ITGAL: variants seen among roughly 807,000 people sequenced by gnomAD.
The protein encoded by ITGAL is integrin subunit alpha L, also known as integrin alpha-L.
A neutral mutation model predicts 138.4 loss-of-function variants in ITGAL; 68 were observed. The observed-to-expected ratio is 0.49, with a 90% CI of 0.40 to 0.60. ITGAL has a LOEUF of 0.60. Ranked by LOEUF, ITGAL falls within the 20% of genes least tolerant of loss-of-function variation. ITGAL has a pLI of 0.00. For missense variants in ITGAL, 1,256 were observed against 1,478.6 expected (o/e 0.85, Z 2.47); for synonymous variants, 561 against 584.3 (o/e 0.96, Z 0.57).
chr16:30,476,918 G>A (rs1475579273), intron 4 of ITGAL, among the ~76,000 whole-genome samples: 3 of 152,176 alleles, frequency 2.0e-5, no homozygotes, highest in Admixed American at 2.0e-4. Context: ...ACAGGCATGA[G>A]CTACCACACC....
intron 1 of ITGAL, 28 bp from the exon 2 acceptor site, chr16:30,474,168 C>G (rs896378914): frequency 6.5e-7 from 1 of 1,536,026 alleles, no homozygotes; most frequent in South Asian, 1.2e-5. Context: ...GTCCCTCGGT[C>G]GCAGCTGACG....
chr16:30,500,722 A>T (rs535660181), intron 17 of ITGAL, among the ~76,000 whole-genome samples: 50 of 152,074 alleles, frequency 3.3e-4, no homozygotes, highest in Admixed American at 1.3e-3. Context: ...GATAATTTTT[A>T]AAAATGTTTT....
At position 30,489,137 on chromosome 16, in the gene ITGAL, C is replaced by T. The variant is rs770241935; in HGVS notation, c.1062C>T (p.Ile354=). The T allele has an allele frequency of 6.2e-7, 1 of 1,614,092 alleles. No homozygotes were observed. Among genetic ancestry groups the T allele is most frequent in the East Asian group, 2.2e-5 (1 of 44,880 alleles). ...ACATGGAGCTGTCCTCCAGCGGCAT[C>T]AGTGCTGACCTCAGCAGGGTGCGTG... is the stretch of plus-strand genomic sequence containing the variant. The part of the protein sequence containing the change: ...SFNMELSSSG[I]SADLSRGHAV... Residue 354 remains isoleucine (I), a synonymous_variant, in exon 10 of 31, where the codon ATC becomes ATT. Coordinates refer to ENST00000356798, the MANE Select transcript of ITGAL (RefSeq NM_002209.3).
chr16:30,506,930 G>A (rs940362656), intron 21 of ITGAL, 74 bp downstream of exon 21: 4 of 1,550,862 alleles, frequency 2.6e-6, no homozygotes, highest in African/African-American at 1.4e-5. Context: ...GCCCCAGGCA[G>A]CCAGGACAGC....
At chr16:30,482,742 C>T (rs1567465575) in intron 7 of ITGAL, among the ~76,000 whole-genome samples, 2 of 152,196 alleles carry the variant, frequency 1.3e-5, no homozygotes, top group African/African-American at 2.4e-5. Context: ...ATGGGTAAGA[C>T]GGTTCACACC....
In ITGAL at chr16:30,475,474, T is replaced by C. The variant is rs756302842; in HGVS notation, c.260-39T>C. On this transcript the variant is annotated intron_variant, in intron 3 of 30. Coordinates refer to ENST00000356798, the MANE Select transcript of ITGAL (RefSeq NM_002209.3). ...GAGGCTGGCCCCAGCCCACCTAGAC[T>C]GCCTGAGCTCCTCCAGACCAACCTT... The C allele has an allele frequency of 9.4e-6, 15 of 1,603,918 alleles. No homozygotes were observed. In the African/African-American group the frequency reaches 1.9e-4, roughly 20 times the overall value.
At chr16:30,493,025 A>C (rs2050745865) in intron 11 of ITGAL, among the ~76,000 whole-genome samples, 1 of 151,800 alleles carries the variant, frequency 6.6e-6, no homozygotes, top group Non-Finnish European at 1.5e-5. Flanking sequence ...ACCTGGGATC[A>C]CAGGTGTGCA....
intron 17 of ITGAL, among the ~76,000 whole-genome samples, chr16:30,501,666 A>G (rs1314929088): frequency 1.2e-5 from 1 of 81,774 alleles, no homozygotes; most frequent in Non-Finnish European, 2.3e-5. Context: ...CATATCATGC[A>G]TCCCAGAAAA....
chr16:30,513,711 T>C, intron 24 of ITGAL, 60 bp from the exon 25 acceptor site: 2 of 1,344,590 alleles, frequency 1.5e-6, no homozygotes, highest in East Asian at 2.3e-5. Context: ...GCTCAGAAGC[T>C]TCCTGGAGCC....
rs145564460 is a variant in ITGAL, at chr16:30,483,746, G to A, written c.723-81G>A. ...GGGCTTTTGCGTAACCAGCATGGAG[G>A]TGACTTGATGAGCAGGTGGGGAAAG... On this transcript the variant is annotated intron_variant, in intron 7 of 30. Coordinates refer to ENST00000356798, the MANE Select transcript of ITGAL (RefSeq NM_002209.3). 5.4e-5 allele frequency: 79 copies of A among 1,452,582 alleles called. No homozygotes were observed. The Middle Eastern group carries it at 7.5e-4, about 14-fold the overall frequency. 90.0% of individuals were successfully genotyped at this position (1,452,582 alleles called of 1,614,324 possible).
rs140551792 is a variant in ITGAL, at chr16:30,481,575, A to G, written c.713A>G (p.Asn238Ser). 28 of 1,613,522 alleles carry G rather than the reference A, an allele frequency of 1.7e-5. No homozygotes were observed. In the African/African-American group the frequency reaches 2.9e-4, roughly 17 times the overall value. ...TTGACCAATACCTTTGGTGCCATCA[A>G]TTATGTCGCGTGAGTTCCCTTTTGC... ...LLLTNTFGAI[N>S]YVATEVFREE... Residue 238 changes from asparagine to serine, a missense_variant, in exon 7 of 31, where the codon AAT becomes AGT. Asn to Ser is a conservative substitution (Grantham distance 46, BLOSUM62 1). Around this residue, in one of 3 missense-constraint regions of ITGAL, gnomAD observed 177 missense variants for 288.8 expected, o/e 0.61. Coordinates refer to ENST00000356798, the MANE Select transcript of ITGAL (RefSeq NM_002209.3).
intron 4 of ITGAL, among the ~76,000 whole-genome samples, chr16:30,476,110 G>A (rs1265347978): frequency 6.6e-6 from 1 of 152,048 alleles, no homozygotes; most frequent in East Asian, 1.9e-4. Context: ...AATCAGCCGG[G>A]CATGGTCGCG....
chr16:30,492,869 T>G (rs1047615055), intron 11 of ITGAL, among the ~76,000 whole-genome samples: 2 of 151,582 alleles, frequency 1.3e-5, no homozygotes, highest in Non-Finnish European at 2.9e-5. Flanking sequence ...GCATGAAAAT[T>G]TTTCAAGTTT....
chr16:30,491,131 G>T lies in ITGAL; in HGVS notation c.1213+1745G>T, dbSNP rs1231313758. Among the ~76,000 whole-genome samples the T allele has an allele frequency of 2.0e-5, 3 of 151,672 alleles. No homozygotes were observed. In the East Asian group the frequency reaches 5.8e-4, roughly 29 times the overall value. ...AAAATTTAATCTCTAGCTGGGTGTG[G>T]TGGCTCACACTGTAATCCCAGCACT... is the stretch of plus-strand genomic sequence containing the variant. On this transcript the variant is annotated intron_variant, in intron 11 of 30. Coordinates refer to ENST00000356798, the MANE Select transcript of ITGAL (RefSeq NM_002209.3).
At chr16:30,511,777 C>T (rs1451764895) in intron 24 of ITGAL, among the ~76,000 whole-genome samples, 3 of 152,202 alleles carry the variant, frequency 2.0e-5, no homozygotes, top group Admixed American at 6.5e-5. Context: ...AGGAAGGAAC[C>T]ATGGGGATCG....
intron 9 of ITGAL, among the ~76,000 whole-genome samples, chr16:30,486,985 A>G (rs543261571): frequency 3.0e-4 from 46 of 151,732 alleles, no homozygotes; most frequent in Middle Eastern, 3.4e-3. Flanking sequence ...TTGTAGAGAC[A>G]AGAGTTTCTT....
chr16:30,520,024 T>C, intron 30 of ITGAL, 57 bp downstream of exon 30: 1 of 1,299,334 alleles, frequency 7.7e-7, no homozygotes, highest in Non-Finnish European at 1.1e-6. Context: ...GGGAAGGGGA[T>C]CTGGTGGGAG....
chr16:30,473,850 G>A (rs1294774369), intron 1 of ITGAL: 3 of 466,620 alleles, frequency 6.4e-6, no homozygotes, highest in Non-Finnish European at 1.3e-5. Context: ...CACCCGGCTC[G>A]GGGGCATCCC....
At chr16:30,476,123 C>T (rs1270791640) in intron 4 of ITGAL, among the ~76,000 whole-genome samples, 1 of 151,920 alleles carries the variant, frequency 6.6e-6, no homozygotes, top group African/African-American at 2.4e-5. Context: ...TGGTCGCGGG[C>T]GCCTGTAGTC....
Sources: allele counts gnomAD v4.1 joint callset (sites outside exome capture counted in the v4.1 genomes callset), GRCh38; gene constraint gnomAD v4.1.1; regional missense constraint gnomAD v4.1.1; transcripts MANE v1.5; gene names NCBI Gene and HGNC (gene_info 2026-07-23, HGNC 2026-07-21).